Variants in NUP37 observed in about 807,000 individuals in gnomAD.
NUP37 encodes nucleoporin 37, also known as nucleoporin Nup37.
A neutral mutation model predicts 45.4 loss-of-function variants in NUP37; 33 were observed. The observed-to-expected ratio is 0.73, with a 90% CI of 0.55 to 0.97. NUP37 has a LOEUF of 0.97. Ranked by LOEUF, NUP37 falls within the 50% of genes least tolerant of loss-of-function variation. The pLI is 0.00. For synonymous variants in NUP37, 127 were observed against 130.7 expected (o/e 0.97, Z 0.19); for missense variants, 365 against 389.7 (o/e 0.94, Z 0.53).
At chr12:102,077,255 G>T in intron 7 of NUP37, 67 bp downstream of exon 7, 1 of 1,502,346 alleles carries the variant, frequency 6.7e-7, no homozygotes, top group Non-Finnish European at 9.3e-7. Context: ...GGATGGATGA[G>T]TGGATCATTT....
chr12:102,119,270 T>C (rs1002745555), intron 1 of NUP37: 5 of 152,184 alleles, frequency 3.3e-5, no homozygotes, highest in Admixed American at 2.6e-4. Flanking sequence ...TTCAGGGGGT[T>C]GGGCGGAGGG....
At chr12:102,097,567 C>A (rs188718228) in intron 5 of NUP37, among the ~76,000 whole-genome samples, 1 of 109,604 alleles carries the variant, frequency 9.1e-6, no homozygotes, top group Non-Finnish European at 2.3e-5. Flanking sequence ...CATAAGAAAA[C>A]AAACAAACAA....
At chr12:102,084,968 T>C (rs1879426885) in intron 6 of NUP37, among the ~76,000 whole-genome samples, 1 of 152,212 alleles carries the variant, frequency 6.6e-6, no homozygotes, top group Non-Finnish European at 1.5e-5. Context: ...TAGTGTATTT[T>C]TAGTATTTTA....
intron 3 of NUP37, 109 bp from the exon 4 acceptor site, chr12:102,101,213 A>C: frequency 5.5e-6 from 3 of 548,164 alleles, no homozygotes; most frequent in Non-Finnish European, 6.5e-6. Context: ...ATCATAACTC[A>C]TAATCATGCT....
In NUP37 at chr12:102,112,208, T is replaced by C. The variant is rs1321124763; in HGVS notation, c.181A>G (p.Ile61Val). 1.9e-6 allele frequency: 3 copies of C among 1,613,038 alleles called. No individual in the cohort carries two copies. Among genetic ancestry groups the C allele is most frequent in the Non-Finnish European group, 2.5e-6 (3 of 1,179,300 alleles). ...AATGTTCGAAGTGTTTTATACTGAATGCCTTCAACGTCTGCTTCTTCTTCC... is the reference window on the plus strand; with the variant it reads ...AATGTTCGAAGTGTTTTATACTGAACGCCTTCAACGTCTGCTTCTTCTTCC... ...FQEEEADVEG[I>V]QYKTLRTFHH... Residue 61 changes from isoleucine to valine, a missense_variant, in exon 3 of 10, where the codon ATT becomes GTT. Transcript: ENST00000552283.
intron 5 of NUP37, 38 bp downstream of exon 5, chr12:102,099,068 G>T: frequency 8.0e-7 from 1 of 1,257,184 alleles, no homozygotes; most frequent in Non-Finnish European, 1.2e-6. Flanking sequence ...TCATTAAAAT[G>T]GCAATTTAAA....
chr12:102,094,797 G>A (rs1048941069), intron 5 of NUP37, among the ~76,000 whole-genome samples: 1 of 151,958 alleles, frequency 6.6e-6, no homozygotes, highest in Admixed American at 6.6e-5. Context: ...ATCCCAGTTA[G>A]AACATGACAA....
intron 3 of NUP37, among the ~76,000 whole-genome samples, chr12:102,105,891 A>G (rs982531184): frequency 1.3e-5 from 2 of 151,948 alleles, no homozygotes; most frequent in Non-Finnish European, 2.9e-5. Flanking sequence ...AGTGTCCTCA[A>G]AAAGATAAGT....
rs1194633201 is a variant in NUP37, at chr12:102,073,144, A to AAAAT, written c.*1206_*1209dup. 2.0e-5 allele frequency: 3 copies of AAAAT among 152,222 alleles called. No homozygotes were observed. Among genetic ancestry groups the AAAAT allele is most frequent in the South Asian group, 2.1e-4 (1 of 4,832 alleles). 9.4% of individuals were successfully genotyped at this position (152,222 alleles called of 1,614,324 possible). On this transcript the variant is annotated 3_prime_UTR_variant, in exon 10 of 10. Transcript: ENST00000552283. ...TATTTAATCTTTACAGCAACTCCAC[A>AAAAT]AAATAATGATTCCTATCTGTACTTT...
intron 6 of NUP37, among the ~76,000 whole-genome samples, chr12:102,084,905 G>A (rs1264040880): frequency 1.3e-5 from 2 of 152,112 alleles, no homozygotes; most frequent in East Asian, 1.9e-4. Context: ...TTGTTTAATG[G>A]CTCCTAACTT....
At chr12:102,090,392 T>C (rs1020668619) in intron 5 of NUP37, among the ~76,000 whole-genome samples, 1 of 152,228 alleles carries the variant, frequency 6.6e-6, no homozygotes, top group African/African-American at 2.4e-5. Context: ...ATGAGAAGGC[T>C]ATTTTCTAAT....
At chr12:102,091,962 TA>T (rs779314083) in intron 5 of NUP37, among the ~76,000 whole-genome samples, 1 of 152,306 alleles carries the variant, frequency 6.6e-6, no homozygotes, top group Non-Finnish European at 1.5e-5. Context: ...ATATGGTATT[TA>T]AATGTTATTG....
At chr12:102,074,974 G>C (rs185847988) in intron 9 of NUP37, 27 bp downstream of exon 9, 4 of 1,320,292 alleles carry the variant, frequency 3.0e-6, no homozygotes, top group Non-Finnish European at 4.2e-6. Context: ...AAAAAAGCAC[G>C]TATGTTACAA....
intron 2 of NUP37, among the ~76,000 whole-genome samples, chr12:102,113,984 T>TA (rs1273323746): frequency 6.6e-6 from 1 of 152,186 alleles, no homozygotes; most frequent in Non-Finnish European, 1.5e-5. Context: ...CAGGTGAACT[T>TA]AAGAGTTAAC....
intron 5 of NUP37, among the ~76,000 whole-genome samples, chr12:102,089,061 G>T (rs551120938): frequency 1.3e-5 from 2 of 152,250 alleles, no homozygotes; most frequent in East Asian, 1.9e-4. Context: ...CAAGGCAGAA[G>T]AATTTTTCTT....
In NUP37 at chr12:102,076,453, C is replaced by G. The variant is rs765230174; in HGVS notation, c.773+344G>C. Among the ~76,000 whole-genome samples the G allele has an allele frequency of 3.9e-5, 6 of 152,220 alleles. No homozygotes were observed. The South Asian group carries it at 6.2e-4, about 16-fold the overall frequency. On this transcript the variant is annotated intron_variant, in intron 8 of 9. Transcript: ENST00000552283. ...CTATCTAGCATAGTTTCATTTAACA[C>G]ATAATAATAAAGTTTATATACATGA...
chr12:102,104,465 A>C (rs948683961), intron 3 of NUP37, among the ~76,000 whole-genome samples: 4 of 151,996 alleles, frequency 2.6e-5, no homozygotes, highest in African/African-American at 4.8e-5. Flanking sequence ...ACTAGTTTTA[A>C]AGTTTGATTT....
intron 3 of NUP37, among the ~76,000 whole-genome samples, chr12:102,110,297 C>T (rs1224232992): frequency 2.6e-5 from 4 of 151,788 alleles, no homozygotes; most frequent in African/African-American, 9.7e-5. Context: ...CCTGGGTGCT[C>T]GAGACCAGCC....
intron 2 of NUP37, among the ~76,000 whole-genome samples, chr12:102,115,351 A>G (rs1360813835): frequency 3.9e-5 from 6 of 152,216 alleles, no homozygotes; most frequent in African/African-American, 1.4e-4. Context: ...ATATGTGTAC[A>G]CTTTAAAAAG....
Sources: allele counts gnomAD v4.1 joint callset (sites outside exome capture counted in the v4.1 genomes callset), GRCh38; gene constraint gnomAD v4.1.1; transcripts MANE v1.5; gene names NCBI Gene and HGNC (gene_info 2026-07-23, HGNC 2026-07-21).